The following DOCK1 variants were observed in gnomAD, a reference collection of about 807,000 sequenced individuals.
DOCK1 encodes dedicator of cytokinesis 1, also known as dedicator of cytokinesis protein 1.
A neutral mutation model predicts 262.7 loss-of-function variants in DOCK1; 138 were observed. That is an observed-to-expected ratio of 0.53 (90% CI 0.46 to 0.61). DOCK1 has a LOEUF of 0.61. Ranked by LOEUF, DOCK1 falls within the 20% of genes least tolerant of loss-of-function variation. The probability of loss-of-function intolerance (pLI) is 0.00; values close to 1 mark genes in which losing one functional copy is unlikely to be tolerated. For synonymous variants in DOCK1, 866 were observed against 867.4 expected, an observed-to-expected ratio of 1.00 and a Z score of 0.03; for missense variants, 1,908 against 2,370.7, an observed-to-expected ratio of 0.80 and a Z score of 4.05.
At chr10:126,928,523 C>T (rs927806185) in intron 1 of DOCK1, among the ~76,000 whole-genome samples, 27 of 149,816 alleles carry the variant, frequency 1.8e-4, no homozygotes, top group African/African-American at 6.9e-4. Context: ...GCTGTGTCCT[C>T]GGCTGGTGTC....
intron 29 of DOCK1, among the ~76,000 whole-genome samples, chr10:127,335,078 T>C (rs755598072): frequency 2.0e-5 from 3 of 152,220 alleles, no homozygotes; most frequent in Non-Finnish European, 4.4e-5. Flanking sequence ...TTCATTCACT[T>C]ACTCTTCCAT....
At chr10:127,276,347 C>T (rs1020333941) in intron 29 of DOCK1, among the ~76,000 whole-genome samples, 1 of 152,094 alleles carries the variant, frequency 6.6e-6, no homozygotes, top group Non-Finnish European at 1.5e-5. Flanking sequence ...TTTGACTTGG[C>T]TTAGGGATAT....
intron 9 of DOCK1, among the ~76,000 whole-genome samples, chr10:126,999,844 T>G (rs2040461667): frequency 6.6e-6 from 1 of 152,008 alleles, no homozygotes; most frequent in African/African-American, 2.4e-5. Context: ...CCTTGCTAAT[T>G]TTTTGTATTT....
At chr10:127,041,220 C>T (rs955560260) in intron 19 of DOCK1, among the ~76,000 whole-genome samples, 2 of 152,172 alleles carry the variant, frequency 1.3e-5, no homozygotes, top group African/African-American at 2.4e-5. Context: ...GCCTCAGCCT[C>T]CCAAGTAGCT....
chr10:127,407,030 C>T (rs1277214889), intron 40 of DOCK1, among the ~76,000 whole-genome samples: 56 of 149,466 alleles, frequency 3.7e-4, no homozygotes, highest in African/African-American at 8.6e-4. Context: ...TTTTTTTTTT[C>T]GGGGGGGCGG....
At chr10:127,394,802 G>A (rs577377689) in intron 38 of DOCK1, among the ~76,000 whole-genome samples, 14 of 152,234 alleles carry the variant, frequency 9.2e-5, no homozygotes, top group African/African-American at 2.9e-4. Context: ...GTCCTGCGCC[G>A]TGAAATACCG....
chr10:127,394,893 G>T (rs969614720), intron 38 of DOCK1, among the ~76,000 whole-genome samples: 2 of 152,102 alleles, frequency 1.3e-5, no homozygotes, highest in Non-Finnish European at 2.9e-5. Flanking sequence ...CCCACCTTCC[G>T]CCCATCACAC....
intron 6 of DOCK1, among the ~76,000 whole-genome samples, chr10:126,996,064 A>ATG (rs376367585): frequency 8.6e-5 from 13 of 151,410 alleles, no homozygotes; most frequent in South Asian, 4.2e-4. Context: ...ATATATGTGA[A>ATG]TGTGTGTGTG....
At chr10:127,163,211 C>T (rs2053746122) in intron 27 of DOCK1, among the ~76,000 whole-genome samples, 2 of 152,206 alleles carry the variant, frequency 1.3e-5, no homozygotes, top group Admixed American at 1.3e-4. Flanking sequence ...ACAATCCTAG[C>T]TGATAGCTTG....
chr10:127,382,038 C>G (rs2065857592), intron 37 of DOCK1, among the ~76,000 whole-genome samples: 1 of 152,036 alleles, frequency 6.6e-6, no homozygotes, highest in Non-Finnish European at 1.5e-5. Context: ...ATTTCACAAC[C>G]TCAGTAAGTT....
At chr10:126,915,678 C>G (rs1185897170) in intron 1 of DOCK1, among the ~76,000 whole-genome samples, 1 of 152,164 alleles carries the variant, frequency 6.6e-6, no homozygotes, top group African/African-American at 2.4e-5. Context: ...GTCTCGATCT[C>G]CTGACCTCGT....
chr10:127,176,893 C>T lies in DOCK1; in HGVS notation c.2847+49129C>T, dbSNP rs78565309. 0.05 allele frequency: 7,744 copies of T among 153,690 alleles called. 522 individuals carry two copies. Among genetic ancestry groups the T allele is most frequent in the African/African-American group, 0.15 (6,376 of 41,482 alleles). 9.5% of individuals were successfully genotyped at this position (153,690 alleles called of 1,614,324 possible). On this transcript the variant is annotated intron_variant, in intron 27 of 51. Coordinates refer to ENST00000623213, the MANE Select transcript of DOCK1 (RefSeq NM_001290223.2). The surrounding 1 kb of genome is among the most constrained non-coding windows in gnomAD (Gnocchi z 4.4). ...AAGACTTACTGGAGCTGCCACGTCT[C>T]GAGCAGATAAATGTGGAGAGCCCTC...
At chr10:127,059,044 G>T (rs1471460709) in intron 22 of DOCK1, among the ~76,000 whole-genome samples, 1 of 152,096 alleles carries the variant, frequency 6.6e-6, no homozygotes. Context: ...GTATGAAAAT[G>T]ATTTATTTCA....
intron 1 of DOCK1, among the ~76,000 whole-genome samples, chr10:126,909,382 G>A (rs375810636): frequency 6.6e-6 from 1 of 152,170 alleles, no homozygotes; most frequent in African/African-American, 2.4e-5. Flanking sequence ...TGAGCTGCTG[G>A]GCGTGTGGCC....
Position 127,382,905 on chromosome 10 carries a change from G to A in DOCK1, c.3807+1537G>A, listed in dbSNP as rs146056024. ...GATGGTTTGTTTCACAACTCAAATC[G>A]ATAGGCCCAATTGCATTGCTGTTTC... On this transcript the variant is annotated intron_variant, in intron 37 of 51. Coordinates refer to ENST00000623213, the MANE Select transcript of DOCK1 (RefSeq NM_001290223.2). Among the ~76,000 whole-genome samples the A allele has an allele frequency of 3.0e-4, 45 of 152,284 alleles. No individual in the cohort carries two copies. In the East Asian group the frequency reaches 7.9e-3, roughly 27 times the overall value.
chr10:127,024,909 C>G, intron 15 of DOCK1, 126 bp downstream of exon 15: 1 of 714,970 alleles, frequency 1.4e-6, no homozygotes, highest in South Asian at 2.3e-5. Context: ...TGTCTCCCAA[C>G]AAAGTCATTC....
At chr10:127,189,271 T>C (rs1338107200) in intron 27 of DOCK1, among the ~76,000 whole-genome samples, 1 of 152,244 alleles carries the variant, frequency 6.6e-6, no homozygotes, top group Non-Finnish European at 1.5e-5. Flanking sequence ...TTAGAACTGA[T>C]GCTTCCATGT....
chr10:127,018,102 G>A (rs1044482439), intron 12 of DOCK1, among the ~76,000 whole-genome samples: 4 of 152,162 alleles, frequency 2.6e-5, no homozygotes, highest in African/African-American at 7.2e-5. Context: ...AGCCGAGAGC[G>A]GCTGGGGCTT....
chr10:127,024,132 C>T (rs2042650865), intron 14 of DOCK1, among the ~76,000 whole-genome samples: 1 of 152,180 alleles, frequency 6.6e-6, no homozygotes, highest in Non-Finnish European at 1.5e-5. Flanking sequence ...TGCTGGAGGA[C>T]TGGGCTTTTC....
Sources: allele counts gnomAD v4.1 joint callset (sites outside exome capture counted in the v4.1 genomes callset), GRCh38; gene constraint gnomAD v4.1.1; non-coding constraint Gnocchi (gnomAD v3.1); transcripts MANE v1.5; gene names NCBI Gene and HGNC (gene_info 2026-07-23, HGNC 2026-07-21).